The following GPRC5B variants were observed in gnomAD, a reference collection of about 807,000 sequenced individuals.
GPRC5B encodes G protein-coupled receptor class C group 5 member B.
In GPRC5B, 16 loss-of-function variants were observed where a neutral mutation model predicts 30.1. The observed-to-expected ratio is 0.53, with a 90% CI of 0.36 to 0.81. The LOEUF is 0.81. Ranked by LOEUF, GPRC5B falls within the 30% of genes least tolerant of loss-of-function variation. The pLI is 0.01. For synonymous variants in GPRC5B, 241 were observed against 239.5 expected (o/e 1.01, Z -0.06); for missense variants, 428 against 544.7 (o/e 0.79, Z 2.13).
chr16:19,870,328 C>G (rs1306876203), intron 2 of GPRC5B, among the ~76,000 whole-genome samples: 2 of 152,210 alleles, frequency 1.3e-5, no homozygotes. Context: ...ACGAAACCAC[C>G]TGCACTGGAG....
chr16:19,858,643 C>G lies in GPRC5B; in HGVS notation c.*1857G>C, dbSNP rs543900998. On this transcript the variant is annotated 3_prime_UTR_variant, in exon 4 of 4. Coordinates refer to ENST00000300571, the MANE Select transcript of GPRC5B (RefSeq NM_016235.3). Reference sequence around the variant, plus strand: ...TCAGAATACCGGGTCCGCATGCAACCGCCCCCACCCCCACCCCAGGTCCTA... The same window carrying G: ...TCAGAATACCGGGTCCGCATGCAACGGCCCCCACCCCCACCCCAGGTCCTA... The G allele has an allele frequency of 7.0e-4, 376 of 538,562 alleles. No individual in the cohort carries two copies. Among genetic ancestry groups the G allele is most frequent in the Admixed American group, 1.3e-3 (42 of 32,980 alleles). The allele number at this position is 538,562 out of a possible 1,614,324, so 33.4% of individuals were successfully genotyped here. A position where few individuals can be genotyped will look rare whatever the true frequency, so the allele number is the denominator to read the frequency against.
At position 19,857,480 on chromosome 16, in the gene GPRC5B, TAAAG is replaced by T. The variant is rs1421425180; in HGVS notation, c.*3016_*3019del. ...TATGCAACAGTCAGCCGGGGGAAGATAAAGGTACATTATAAAACACACATTAATG... is the reference window on the plus strand; with the variant it reads ...TATGCAACAGTCAGCCGGGGGAAGATGTACATTATAAAACACACATTAATG... On this transcript the variant is annotated 3_prime_UTR_variant, in exon 4 of 4. Coordinates refer to ENST00000300571, the MANE Select transcript of GPRC5B (RefSeq NM_016235.3). 1 of 436,212 alleles carries T rather than the reference TAAAG, an allele frequency of 2.3e-6. No individual in the cohort carries two copies. The highest frequency in any genetic ancestry group is 2.1e-5 in the African/African-American group (1 of 48,562). The allele number at this position is 436,212 out of a possible 1,614,324, so 27.0% of individuals were successfully genotyped here.
intron 2 of GPRC5B, among the ~76,000 whole-genome samples, chr16:19,869,916 A>G (rs1267775715): frequency 6.6e-6 from 1 of 152,122 alleles, no homozygotes; most frequent in Admixed American, 6.6e-5. Flanking sequence ...TATCAAAAAT[A>G]AAAAATAAGT....
chr16:19,885,151 C>G, upstream of GPRC5B: 1 of 1,222,582 alleles, frequency 8.2e-7, no homozygotes, highest in Non-Finnish European at 1.1e-6. This position sits in a 1 kb window ranked among gnomAD's most constrained non-coding sequence, Gnocchi z 5.3. Flanking sequence ...AGCCGGGCAA[C>G]TCCCCAGGGT....
In GPRC5B at chr16:19,860,404, G is replaced by T; in HGVS notation, c.*96C>A. On this transcript the variant is annotated 3_prime_UTR_variant, in exon 4 of 4. Transcript: ENST00000300571. Reference sequence around the variant, plus strand: ...AAATTTCCTGGCTGTGAGGCGGCCTGGTTCGGCAACTGTTACCGATTTCTC... The same window carrying T: ...AAATTTCCTGGCTGTGAGGCGGCCTTGTTCGGCAACTGTTACCGATTTCTC... The T allele has an allele frequency of 1.3e-6, 1 of 773,278 alleles. No homozygotes were observed. Among genetic ancestry groups the T allele is most frequent in the Non-Finnish European group, 2.2e-6 (1 of 445,018 alleles). 47.9% of individuals were successfully genotyped at this position (773,278 alleles called of 1,614,324 possible). A position where few individuals can be genotyped will look rare whatever the true frequency, so the allele number is the denominator to read the frequency against.
At chr16:19,876,390 G>T (rs1453893156) in intron 1 of GPRC5B, among the ~76,000 whole-genome samples, 1 of 152,204 alleles carries the variant, frequency 6.6e-6, no homozygotes, top group African/African-American at 2.4e-5. Flanking sequence ...GTGCCAAGGT[G>T]GAGCAAGCCT....
In GPRC5B at chr16:19,872,611, C is replaced by T; in HGVS notation, c.235G>A (p.Val79Met). The change falls in exon 2 of 4, where the codon GTG becomes ATG. Residue 79 changes from valine to methionine, a missense_variant. Physicochemically the swap from Val to Met is conservative, Grantham distance 21. Transcript: ENST00000300571. The surrounding 1 kb of genome is among the most constrained non-coding windows in gnomAD (Gnocchi z 5.0). Reference sequence around the variant, plus strand: ...TTCTCCTTGATGAAGGGCAGCCGCACCAGGAGGATGAGCATCAGGAGCAGT... The same window carrying T: ...TTCTCCTTGATGAAGGGCAGCCGCATCAGGAGGATGAGCATCAGGAGCAGT... ...ITLLLMLILL[V>M]RLPFIKEKEK... 5 of 1,614,136 alleles carry T rather than the reference C, an allele frequency of 3.1e-6. No individual in the cohort carries two copies. Among genetic ancestry groups the T allele is most frequent in the Non-Finnish European group, 4.2e-6 (5 of 1,179,968 alleles).
In GPRC5B at chr16:19,856,961, G is replaced by C. The variant is rs2056570627; in HGVS notation, c.*3539C>G. ...CCCCAACCTCTGAATTTGGTTTTAA[G>C]TTTACCTAGTGACTGACTACTCTCT... On this transcript the variant is annotated 3_prime_UTR_variant, in exon 4 of 4. Coordinates refer to ENST00000300571, the MANE Select transcript of GPRC5B (RefSeq NM_016235.3). 1 of 169,796 alleles carries C rather than the reference G, an allele frequency of 5.9e-6. No individual in the cohort carries two copies. Among genetic ancestry groups the C allele is most frequent in the Admixed American group, 6.2e-5 (1 of 16,102 alleles). 10.5% of individuals were successfully genotyped at this position (169,796 alleles called of 1,614,324 possible). A position where few individuals can be genotyped will look rare whatever the true frequency, so the allele number is the denominator to read the frequency against.
chr16:19,858,335 G>A lies in GPRC5B; in HGVS notation c.*2165C>T, dbSNP rs1051399992. 6.8e-6 allele frequency: 3 copies of A among 442,262 alleles called. No individual in the cohort carries two copies. Among genetic ancestry groups the A allele is most frequent in the Non-Finnish European group, 8.0e-6 (2 of 249,956 alleles). The allele number at this position is 442,262 out of a possible 1,614,324, so 27.4% of individuals were successfully genotyped here. A position where few individuals can be genotyped will look rare whatever the true frequency, so the allele number is the denominator to read the frequency against. ...ATCAGATTTAAAAGGGGGGAAAAAGGTCTCATTAAATGAGGCTTCCCATGG... is the reference window on the plus strand; with the variant it reads ...ATCAGATTTAAAAGGGGGGAAAAAGATCTCATTAAATGAGGCTTCCCATGG... On this transcript the variant is annotated 3_prime_UTR_variant, in exon 4 of 4. Transcript: ENST00000300571.
chr16:19,858,302 G>A lies in GPRC5B; in HGVS notation c.*2198C>T. 2 of 439,592 alleles carry A rather than the reference G, an allele frequency of 4.5e-6. No homozygotes were observed. The highest frequency in any genetic ancestry group is 8.0e-6 in the Non-Finnish European group (2 of 249,162). The allele number at this position is 439,592 out of a possible 1,614,324, so 27.2% of individuals were successfully genotyped here. A position where few individuals can be genotyped will look rare whatever the true frequency, so the allele number is the denominator to read the frequency against. ...CAAAATAAAACAAAACCCTAAGTGC[G>A]ATAACATATCAGATTTAAAAGGGGG... is the stretch of plus-strand genomic sequence containing the variant. On this transcript the variant is annotated 3_prime_UTR_variant, in exon 4 of 4. Coordinates refer to ENST00000300571, the MANE Select transcript of GPRC5B (RefSeq NM_016235.3).
rs1304115176 is a variant in GPRC5B, at chr16:19,857,284, A to AC, written c.*3215dup. ...TTGCACTGGGTTGTTTTGACAAGCTACCACACGTCTTAAGTAAATAGTAAA... is the reference window on the plus strand; with the variant it reads ...TTGCACTGGGTTGTTTTGACAAGCTACCCACACGTCTTAAGTAAATAGTAAA... On this transcript the variant is annotated 3_prime_UTR_variant, in exon 4 of 4. Coordinates refer to ENST00000300571, the MANE Select transcript of GPRC5B (RefSeq NM_016235.3). 5.9e-6 allele frequency: 2 copies of AC among 339,984 alleles called. No homozygotes were observed. Among genetic ancestry groups the AC allele is most frequent in the African/African-American group, 4.5e-5 (2 of 44,406 alleles). The allele number at this position is 339,984 out of a possible 1,614,324, so 21.1% of individuals were successfully genotyped here.
At chr16:19,862,073 A>T in intron 2 of GPRC5B, 100 bp from the exon 3 acceptor site, 1 of 1,064,034 alleles carries the variant, frequency 9.4e-7, no homozygotes, top group Admixed American at 2.1e-5. Context: ...ACCCCCATCC[A>T]CCCAACCCAG....
chr16:19,882,933 C>A (rs1477202533), intron 1 of GPRC5B, among the ~76,000 whole-genome samples: 1 of 152,164 alleles, frequency 6.6e-6, no homozygotes, highest in Non-Finnish European at 1.5e-5. Context: ...TCCTCCAAGA[C>A]CTCCCAGCGG....
chr16:19,866,966 T>A (rs1444894615), intron 2 of GPRC5B, among the ~76,000 whole-genome samples: 1 of 152,210 alleles, frequency 6.6e-6, no homozygotes. Flanking sequence ...CTGGATCTTA[T>A]CTGGCTATAA....
Position 19,884,750 on chromosome 16 carries a change from C to T in GPRC5B, c.-25G>A, listed in dbSNP as rs2056837745. ...ACCGACCCCCGCGGCCCCGCAGCGC[C>T]GACGCTCCAGCTGGCCTTCGGCCCG... On this transcript the variant is annotated 5_prime_UTR_variant, in exon 1 of 4. Transcript: ENST00000300571. The T allele has an allele frequency of 1.0e-6, 1 of 985,068 alleles. No homozygotes were observed. The highest frequency in any genetic ancestry group is 1.2e-6 in the Non-Finnish European group (1 of 829,780). The allele number at this position is 985,068 out of a possible 1,614,324, so 61.0% of individuals were successfully genotyped here.
At chr16:19,866,932 C>T (rs1480030656) in intron 2 of GPRC5B, among the ~76,000 whole-genome samples, 2 of 152,210 alleles carry the variant, frequency 1.3e-5, no homozygotes, top group African/African-American at 4.8e-5. Flanking sequence ...TGACACCAAC[C>T]TGGGTCCCAG....
At chr16:19,869,933 G>GGT (rs2056700914) in intron 2 of GPRC5B, among the ~76,000 whole-genome samples, 1 of 152,044 alleles carries the variant, frequency 6.6e-6, no homozygotes, top group African/African-American at 2.4e-5. Context: ...AAGTTAACTG[G>GGT]GTGTGGTGGT....
chr16:19,866,724 T>C (rs1424676688), intron 2 of GPRC5B, among the ~76,000 whole-genome samples: 2 of 152,178 alleles, frequency 1.3e-5, no homozygotes, highest in Admixed American at 1.3e-4. Flanking sequence ...ACTGATTCTA[T>C]ATGATTATTG....
chr16:19,882,364 T>A (rs2056814289), intron 1 of GPRC5B: 1 of 152,206 alleles, frequency 6.6e-6, no homozygotes, highest in Non-Finnish European at 1.5e-5. Context: ...CCACAGTGGT[T>A]GGTTCCTCTC....
Sources: allele counts gnomAD v4.1 joint callset (sites outside exome capture counted in the v4.1 genomes callset), GRCh38; gene constraint gnomAD v4.1.1; non-coding constraint Gnocchi (gnomAD v3.1); transcripts MANE v1.5; gene names NCBI Gene and HGNC (gene_info 2026-07-23, HGNC 2026-07-21).